Variants in VPS13A observed in about 807,000 individuals in gnomAD.
VPS13A encodes the protein vacuolar protein sorting 13 homolog A, also known as intermembrane lipid transfer protein VPS13A.
Under a neutral mutation model 390.9 loss-of-function variants are expected in VPS13A, and 264 were observed. The observed-to-expected ratio is 0.68, with a 90% confidence interval of 0.61 to 0.75. VPS13A has a LOEUF of 0.75. Ranked by LOEUF, VPS13A falls within the 30% of genes least tolerant of loss-of-function variation. The pLI is 0.00. For synonymous variants in VPS13A, 1,231 were observed against 1,227.1 expected, an observed-to-expected ratio of 1.00 and a Z score of -0.07; for missense variants, 3,409 against 3,733.9, an observed-to-expected ratio of 0.91 and a Z score of 2.27.
intron 3 of VPS13A, among the ~76,000 whole-genome samples, chr9:77,204,191 G>A (rs930738039): frequency 1.3e-5 from 2 of 152,096 alleles, no homozygotes; most frequent in African/African-American, 2.4e-5. Flanking sequence ...ACCAGTTTTA[G>A]CAACATAGTA....
intron 45 of VPS13A, among the ~76,000 whole-genome samples, chr9:77,325,719 C>T (rs892261112): frequency 6.6e-6 from 1 of 151,966 alleles, no homozygotes; most frequent in Non-Finnish European, 1.5e-5. Context: ...AGTCTACCTT[C>T]AAGTAGTATT....
Position 77,225,927 on chromosome 9 carries a change from A to C in VPS13A, c.1163A>C (p.Glu388Ala). Reference sequence around the variant, plus strand: ...CACATTTTTGTTTATATTTTTCAGGAGTTGGAAAAAACCTTGGATGTCTTT... The same window carrying C: ...CACATTTTTGTTTATATTTTTCAGGCGTTGGAAAAAACCTTGGATGTCTTT... ...PPGELLVSLE[E>A]LEKTLDVFNI... Residue 388 changes from glutamate to alanine, a missense_variant and splice_region_variant, in exon 14 of 72, where the codon GAG (glutamate) becomes GCG (alanine). Physicochemically the swap from Glu to Ala is moderately radical, Grantham distance 107 (BLOSUM62 -1). Around this residue, in one of 5 missense-constraint regions of VPS13A, gnomAD observed 2,717 missense variants for 2,917.4 expected, o/e 0.93. Transcript: ENST00000360280. 1 of 1,610,012 alleles carries C rather than the reference A, an allele frequency of 6.2e-7. No individual in the cohort carries two copies. Among genetic ancestry groups the C allele is most frequent in the Non-Finnish European group, 8.5e-7 (1 of 1,177,316 alleles).
chr9:77,357,752 C>T lies in VPS13A; in HGVS notation c.7867C>T (p.Arg2623Ter), dbSNP rs1055609567. 1.5e-5 allele frequency: 24 copies of T among 1,613,672 alleles called. No individual in the cohort carries two copies. The highest frequency in any genetic ancestry group is 2.2e-5 in the South Asian group (2 of 91,068). Residue 2623 changes from arginine (R) to a stop codon, truncating the protein, a stop_gained, in exon 56 of 72, where the codon CGA becomes TGA. Coordinates refer to ENST00000360280, the MANE Select transcript of VPS13A (RefSeq NM_033305.3). LOFTEE classifies it high-confidence loss of function. Reference protein sequence around the residue: ...KILQPHVIALRRNYLPALKVE... With the variant: ...KILQPHVIAL Reference sequence around the variant, plus strand: ...TCTGCAGCCGCATGTAATAGCTCTACGAAGAAATTATCTTCCAGCATTAAA... The same window carrying T: ...TCTGCAGCCGCATGTAATAGCTCTATGAAGAAATTATCTTCCAGCATTAAA...
chr9:77,344,025 A>G (rs560835652), intron 50 of VPS13A, 128 bp from the exon 51 acceptor site: 3 of 846,600 alleles, frequency 3.5e-6, no homozygotes, highest in Admixed American at 5.6e-5. Context: ...AAACAACCCA[A>G]TAACTAGAGC....
At chr9:77,402,672 A>G (rs113338157) in intron 68 of VPS13A, among the ~76,000 whole-genome samples, 42 of 152,306 alleles carry the variant, frequency 2.8e-4, no homozygotes, top group African/African-American at 8.2e-4. Flanking sequence ...ATGGATAGAC[A>G]GTGTTTCAAC....
chr9:77,247,022 A>G (rs1048205871), intron 19 of VPS13A, among the ~76,000 whole-genome samples: 2 of 152,056 alleles, frequency 1.3e-5, no homozygotes, highest in African/African-American at 4.8e-5. Flanking sequence ...TTGAGTTTAT[A>G]GGTTAAAAAT....
At chr9:77,223,836 G>A (rs1044211622) in intron 13 of VPS13A, among the ~76,000 whole-genome samples, 7 of 151,844 alleles carry the variant, frequency 4.6e-5, no homozygotes, top group Non-Finnish European at 1.0e-4. Flanking sequence ...CAGTGTAGAT[G>A]TAACAGCCTT....
chr9:77,256,499 C>A (rs894684246), intron 22 of VPS13A, among the ~76,000 whole-genome samples: 5 of 152,076 alleles, frequency 3.3e-5, no homozygotes, highest in Non-Finnish European at 7.4e-5. Flanking sequence ...TCATTTTAGT[C>A]CAGTTGGTCA....
At chr9:77,265,096 G>A (rs1158528432) in intron 23 of VPS13A, among the ~76,000 whole-genome samples, 3 of 152,150 alleles carry the variant, frequency 2.0e-5, no homozygotes, top group African/African-American at 4.8e-5. Flanking sequence ...GATGGATTAC[G>A]TTTATTGATT....
At chr9:77,351,557 G>A in intron 53 of VPS13A, 111 bp downstream of exon 53, 10 of 1,368,938 alleles carry the variant, frequency 7.3e-6, no homozygotes, top group Non-Finnish European at 1.0e-5. Context: ...GGCTGAGGTG[G>A]GCCATGAGTT....
At chr9:77,279,952 A>G (rs1826918496) in intron 26 of VPS13A, 3 of 424,644 alleles carry the variant, frequency 7.1e-6, no homozygotes, top group Non-Finnish European at 1.3e-5. Context: ...GTTGTGGCAC[A>G]TGAGGAGGTA....
chr9:77,340,521 G>T lies in VPS13A; in HGVS notation c.6997G>T (p.Asp2333Tyr), dbSNP rs1830755461. Residue 2333 changes from aspartate (D) to tyrosine (Y), a missense_variant, in exon 50 of 72, where the codon GAT (aspartate) becomes TAT (tyrosine). Physicochemically the swap from Asp to Tyr is radical, Grantham distance 160. Around this residue, in one of 5 missense-constraint regions of VPS13A, gnomAD observed 2,717 missense variants for 2,917.4 expected, o/e 0.93. Coordinates refer to ENST00000360280, the MANE Select transcript of VPS13A (RefSeq NM_033305.3). ...TATATCAGTGGCTGAAGAAGGAAAT[G>T]ATAAATGGCTCTCTCTTGATTTGGA... ...YHISVAEEGN[D>Y]KWLSLDLEQC... The T allele has an allele frequency of 6.2e-7, 1 of 1,612,728 alleles. No individual in the cohort carries two copies. The highest frequency in any genetic ancestry group is 1.7e-5 in the Admixed American group (1 of 59,980).
At chr9:77,250,766 A>C (rs879293750) in intron 21 of VPS13A, among the ~76,000 whole-genome samples, 36 of 152,240 alleles carry the variant, frequency 2.4e-4, no homozygotes, top group Admixed American at 1.4e-3. Context: ...TCACTGTGGT[A>C]TACCAGTCAG....
At position 77,199,376 on chromosome 9, in the gene VPS13A, T is replaced by C. The variant is rs369402390; in HGVS notation, c.101-569T>C. ...AAAGGTATTTTCTTTGTGGTTACGATGGGGTTACATGTAACATCCTAATGT... is the reference window on the plus strand; with the variant it reads ...AAAGGTATTTTCTTTGTGGTTACGACGGGGTTACATGTAACATCCTAATGT... On this transcript the variant is annotated intron_variant, in intron 1 of 71. Transcript: ENST00000360280. Among the ~76,000 whole-genome samples, 6 of 152,334 alleles carry C rather than the reference T, an allele frequency of 3.9e-5. No homozygotes were observed. In the South Asian group the frequency reaches 1.2e-3, roughly 32 times the overall value.
chr9:77,321,051 C>T lies in VPS13A; in HGVS notation c.5416-118C>T, dbSNP rs1395224957. ...AAGTAATTTCAATAAGGCAATAGAA[C>T]TTACTGAAATTAGAAAAGATAAAAT... On this transcript the variant is annotated intron_variant, in intron 42 of 71. Transcript: ENST00000360280. 3 of 941,166 alleles carry T rather than the reference C, an allele frequency of 3.2e-6. No homozygotes were observed. The African/African-American group carries it at 5.0e-5, about 16-fold the overall frequency. 58.3% of individuals were successfully genotyped at this position (941,166 alleles called of 1,614,324 possible).
chr9:77,237,781 TATC>T (rs978309226), intron 17 of VPS13A, among the ~76,000 whole-genome samples: 8 of 152,216 alleles, frequency 5.3e-5, no homozygotes, highest in Admixed American at 2.6e-4. Context: ...AATTTTAGCT[TATC>T]ATAACTTTTT....
chr9:77,248,409 T>G (rs1422672870), intron 20 of VPS13A, among the ~76,000 whole-genome samples: 7 of 151,740 alleles, frequency 4.6e-5, no homozygotes, highest in Non-Finnish European at 1.5e-5. Flanking sequence ...TAGTAGAGAC[T>G]GGGTTTCACC....
chr9:77,216,168 A>G (rs1397132679), intron 10 of VPS13A, among the ~76,000 whole-genome samples: 2 of 151,778 alleles, frequency 1.3e-5, no homozygotes, highest in African/African-American at 4.9e-5. Flanking sequence ...CCAGCTGGAA[A>G]AAGAAAAAAA....
chr9:77,207,372 CATAT>C (rs911806379), intron 5 of VPS13A, among the ~76,000 whole-genome samples: 6 of 148,512 alleles, frequency 4.0e-5, no homozygotes, highest in African/African-American at 1.2e-4. Context: ...ATATATATGA[CATAT>C]ATAATATATA....
Sources: allele counts gnomAD v4.1 joint callset (sites outside exome capture counted in the v4.1 genomes callset), GRCh38; gene constraint gnomAD v4.1.1; regional missense constraint gnomAD v4.1.1; transcripts MANE v1.5; gene names NCBI Gene and HGNC (gene_info 2026-07-23, HGNC 2026-07-21).